CPNE3: variants seen among roughly 807,000 people sequenced by gnomAD.
The protein encoded by CPNE3 is copine-3.
CPNE3 carries 68 observed loss-of-function variants against 63.9 expected under a neutral mutation model. The observed-to-expected ratio is 1.06, with a 90% CI of 0.87 to 1.30. The LOEUF (loss-of-function observed/expected upper bound fraction) is 1.30, where lower values mean the gene tolerates loss of function less well. Among genes scored for constraint, CPNE3 ranks in the 50% most tolerant of loss-of-function variants. CPNE3 has a pLI of 0.00. For synonymous variants in CPNE3, 219 were observed against 197.5 expected (o/e 1.11, Z -0.91); for missense variants, 665 against 578.1 (o/e 1.15, Z -1.54).
At chr8:86,520,090 A>G (rs1820400473) in intron 2 of CPNE3, among the ~76,000 whole-genome samples, 1 of 143,042 alleles carries the variant, frequency 7.0e-6, no homozygotes, top group African/African-American at 2.5e-5. Context: ...TCCTTTTTGT[A>G]CTTATAAATA....
rs181756417 is a variant in CPNE3, at chr8:86,533,324, C to T, written c.459+744C>T. 3.1e-3 allele frequency among the ~76,000 whole-genome samples: 468 copies of T among 152,184 alleles called. 1 individual carries two copies. The highest frequency in any genetic ancestry group is 5.3e-3 in the Non-Finnish European group (359 of 68,010). On this transcript the variant is annotated intron_variant, in intron 6 of 16. Transcript: ENST00000517490. Reference sequence around the variant, plus strand: ...TTGGGAGGCCGAGGTGGGGAGATCACTTGAGCTCAGAAGTTTGAGACCAGC... The same window carrying T: ...TTGGGAGGCCGAGGTGGGGAGATCATTTGAGCTCAGAAGTTTGAGACCAGC...
chr8:86,552,267 G>A (rs1821198230), intron 14 of CPNE3, among the ~76,000 whole-genome samples: 1 of 152,096 alleles, frequency 6.6e-6, no homozygotes, highest in Non-Finnish European at 1.5e-5. Context: ...CAATTTTTGT[G>A]GCGGCCGTTT....
At chr8:86,529,218 T>A in intron 4 of CPNE3, 94 bp downstream of exon 4, 1 of 1,031,698 alleles carries the variant, frequency 9.7e-7, no homozygotes. Context: ...TTTTTAAAGT[T>A]GAAAAACATG....
At position 86,547,705 on chromosome 8, in the gene CPNE3, T is replaced by G; in HGVS notation, c.820-6T>G. 1 of 1,184,078 alleles carries G rather than the reference T, an allele frequency of 8.4e-7. No homozygotes were observed. The highest frequency in any genetic ancestry group is 2.3e-5 in the East Asian group (1 of 42,868). 73.3% of individuals were successfully genotyped at this position (1,184,078 alleles called of 1,614,324 possible). A position where few individuals can be genotyped will look rare whatever the true frequency, so the allele number is the denominator to read the frequency against. On this transcript the variant is annotated splice_polypyrimidine_tract_variant and splice_region_variant and intron_variant, in intron 10 of 16. Transcript: ENST00000517490. Reference sequence around the variant, plus strand: ...GTTGTAATTTTAAGTTTTCTCTTATTTTTAGATTACAGTAGAATGCACATT... The same window carrying G: ...GTTGTAATTTTAAGTTTTCTCTTATGTTTAGATTACAGTAGAATGCACATT...
chr8:86,517,870 A>G (rs1176150513), intron 2 of CPNE3, among the ~76,000 whole-genome samples: 1 of 152,330 alleles, frequency 6.6e-6, no homozygotes, highest in Non-Finnish European at 1.5e-5. Context: ...TTTGTTCAAT[A>G]AGTGTTGAAT....
intron 4 of CPNE3, among the ~76,000 whole-genome samples, chr8:86,530,812 A>G (rs1820663130): frequency 1.3e-5 from 2 of 150,784 alleles, no homozygotes; most frequent in African/African-American, 4.9e-5. Flanking sequence ...CTGCCTCAGT[A>G]TCCCGAGTAG....
chr8:86,526,194 G>A (rs547434078), intron 2 of CPNE3, among the ~76,000 whole-genome samples: 1 of 151,698 alleles, frequency 6.6e-6, no homozygotes, highest in South Asian at 2.1e-4. Flanking sequence ...CGCCACTGCA[G>A]TACAGCCTGG....
rs939425859 is a variant in CPNE3, at chr8:86,558,406, A to G, written c.1610A>G (p.Gln537Arg). 1.5e-5 allele frequency: 13 copies of G among 872,874 alleles called. No homozygotes were observed. The Admixed American group carries it at 1.9e-4, about 12-fold the overall frequency. The allele number at this position is 872,874 out of a possible 1,614,324, so 54.1% of individuals were successfully genotyped here. Residue 537 changes from glutamine to arginine, a missense_variant, in exon 17 of 17, where the codon CAG (glutamine) becomes CGG (arginine). By Grantham distance (43) the Gln-to-Arg change is conservative. Transcript: ENST00000517490. Reference sequence around the variant, plus strand: ...AACCCAGCCACGAAACAACAGAAGCAGTGACCACTTCAACAGAATTCTTTT... The same window carrying G: ...AACCCAGCCACGAAACAACAGAAGCGGTGACCACTTCAACAGAATTCTTTT... ...PKNPATKQQKQ is the reference protein window; with the variant it reads ...PKNPATKQQKR
At chr8:86,544,883 T>A in intron 9 of CPNE3, 45 bp downstream of exon 9, 3 of 1,199,684 alleles carry the variant, frequency 2.5e-6, no homozygotes, top group Non-Finnish European at 3.6e-6. Context: ...AGTTTGGCTA[T>A]GTATTTATTA....
At chr8:86,530,594 ACATACATAGG>A (rs1417190051) in intron 4 of CPNE3, among the ~76,000 whole-genome samples, 1 of 152,198 alleles carries the variant, frequency 6.6e-6, no homozygotes, top group African/African-American at 2.4e-5. Flanking sequence ...TTAAACTTTC[ACATACATAGG>A]AAGTTAAGAA....
Position 86,527,946 on chromosome 8 carries a change from A to T in CPNE3, c.-10-590A>T, listed in dbSNP as rs975672273. On this transcript the variant is annotated intron_variant, in intron 2 of 16. Coordinates refer to ENST00000517490, the MANE Select transcript of CPNE3 (RefSeq NM_003909.5). ...AAATTTATAGTTAAGGTAAAAAGAA[A>T]TTTTTTTTTTTTTTTTTTTTTTTTT... 1.7e-4 allele frequency among the ~76,000 whole-genome samples: 15 copies of T among 85,972 alleles called. 1 individual carries two copies. The highest frequency in any genetic ancestry group is 8.0e-4 in the South Asian group (2 of 2,486). 56.4% of individuals were successfully genotyped at this position (85,972 alleles called of 152,430 possible).
intron 2 of CPNE3, among the ~76,000 whole-genome samples, chr8:86,519,800 G>A (rs771502174): frequency 3.3e-5 from 5 of 152,024 alleles, no homozygotes; most frequent in Admixed American, 6.6e-5. Context: ...TGCAACCTCC[G>A]CCTCCCTGGT....
intron 8 of CPNE3, 26 bp from the exon 9 acceptor site, chr8:86,544,714 T>C: frequency 8.7e-7 from 1 of 1,154,030 alleles, no homozygotes; most frequent in East Asian, 2.9e-5. Flanking sequence ...TTGATTTTTA[T>C]ATATTTTTAT....
In CPNE3 at chr8:86,560,997, A is replaced by T. The variant is rs1821429215; in HGVS notation, c.*2587A>T. ...CACAGAGGAAATAATATACCAGCTAATCTAGTCACCTAACCTTGTGGTTAG... is the reference window on the plus strand; with the variant it reads ...CACAGAGGAAATAATATACCAGCTATTCTAGTCACCTAACCTTGTGGTTAG... On this transcript the variant is annotated 3_prime_UTR_variant, in exon 17 of 17. Transcript: ENST00000517490. 6.6e-6 allele frequency: 1 copy of T among 152,206 alleles called. No homozygotes were observed. The highest frequency in any genetic ancestry group is 2.4e-5 in the African/African-American group (1 of 41,454). The allele number at this position is 152,206 out of a possible 1,614,324, so 9.4% of individuals were successfully genotyped here.
chr8:86,556,380 A>G (rs1383438016), intron 16 of CPNE3, 42 bp downstream of exon 16: 1 of 868,088 alleles, frequency 1.2e-6, no homozygotes, highest in Non-Finnish European at 2.0e-6. Context: ...AAGTGACTGA[A>G]CACAGACCTT....
Position 86,546,650 on chromosome 8 carries a change from A to G in CPNE3, c.788A>G (p.Asn263Ser). ...KKRQKKKSYK[N>S]SGVISVKQCE... ...AGGCAAAAGAAAAAAAGCTACAAGA[A>G]TTCAGGTGTTATCAGTGTGAAACAG... is the stretch of plus-strand genomic sequence containing the variant. The change falls in exon 10 of 17, where the codon AAT becomes AGT. Residue 263 changes from asparagine (N) to serine (S), a missense_variant. Transcript: ENST00000517490. The G allele has an allele frequency of 1.2e-6, 2 of 1,613,792 alleles. No homozygotes were observed. The highest frequency in any genetic ancestry group is 2.2e-5 in the South Asian group (2 of 90,970).
intron 7 of CPNE3, among the ~76,000 whole-genome samples, chr8:86,539,671 T>TTTC (rs1820884777): frequency 6.8e-6 from 1 of 146,918 alleles, no homozygotes; most frequent in Admixed American, 6.7e-5. Flanking sequence ...TTTTTTTTTT[T>TTTC]TTTTTTTTTG....
At chr8:86,516,503 C>T (rs1047930992) in intron 2 of CPNE3, among the ~76,000 whole-genome samples, 4 of 152,108 alleles carry the variant, frequency 2.6e-5, no homozygotes, top group Non-Finnish European at 4.4e-5. Context: ...GCATCTGTTT[C>T]GGTACCTAGT....
At chr8:86,544,920 T>C (rs1479224440) in intron 9 of CPNE3, 82 bp downstream of exon 9, 8 of 736,298 alleles carry the variant, frequency 1.1e-5, no homozygotes, top group Non-Finnish European at 1.7e-5. Flanking sequence ...TCCCATAGCA[T>C]CAAACGGTTT....
Sources: allele counts gnomAD v4.1 joint callset (sites outside exome capture counted in the v4.1 genomes callset), GRCh38; gene constraint gnomAD v4.1.1; transcripts MANE v1.5; gene names NCBI Gene and HGNC (gene_info 2026-07-23, HGNC 2026-07-21).